BRINP1: variants seen among roughly 807,000 people sequenced by gnomAD.
BRINP1 encodes BMP/retinoic acid inducible neural specific 1, also known as BMP/retinoic acid-inducible neural-specific protein 1.
Under a neutral mutation model 72.9 loss-of-function variants are expected in BRINP1, and 17 were observed. That is an observed-to-expected ratio of 0.23 (90% CI 0.16 to 0.35). BRINP1 has a LOEUF of 0.35. Ranked by LOEUF, BRINP1 falls within the 10% of genes least tolerant of loss-of-function variation. BRINP1 has a pLI of 1.00. For missense variants in BRINP1, 850 were observed against 1,001.6 expected, an observed-to-expected ratio of 0.85 and a Z score of 2.04; for synonymous variants, 418 against 378.5, an observed-to-expected ratio of 1.10 and a Z score of -1.21.
intron 7 of BRINP1, among the ~76,000 whole-genome samples, chr9:119,185,584 A>G (rs956851151): frequency 6.6e-6 from 1 of 152,210 alleles, no homozygotes; most frequent in Admixed American, 6.5e-5. Context: ...AAAGTGACTA[A>G]CGGAGAGCAC....
chr9:119,283,290 A>G, intron 2 of BRINP1: 2 of 622,048 alleles, frequency 3.2e-6, no homozygotes, highest in Non-Finnish European at 4.0e-6. Flanking sequence ...CAAAATCTCC[A>G]GCCCTGCCCC....
chr9:119,298,509 C>T (rs987502787), intron 2 of BRINP1, among the ~76,000 whole-genome samples: 8 of 151,864 alleles, frequency 5.3e-5, no homozygotes, highest in African/African-American at 1.9e-4. Flanking sequence ...CAATAACCAA[C>T]TTTCAGAGTA....
At chr9:119,209,510 T>C (rs1165944195) in intron 6 of BRINP1, among the ~76,000 whole-genome samples, 2 of 151,000 alleles carry the variant, frequency 1.3e-5, no homozygotes, top group Non-Finnish European at 2.9e-5. Flanking sequence ...AGAGGTCAAG[T>C]GAGCTGAGAC....
chr9:119,168,167 C>T lies in BRINP1; in HGVS notation c.1203G>A (p.Gly401=). The change falls in exon 8 of 8, where the codon GGG becomes GGA. Residue 401 remains glycine (G), a synonymous_variant. Coordinates refer to ENST00000265922, the MANE Select transcript of BRINP1 (RefSeq NM_014618.3). ...GGCTCTCCAGGAAGGTTCCCCAAAA[C>T]CCATTCTCATTACAGTAGAGGAGTG... ...VQSLLYCNEN[G]FWGTFLESQR... 1 of 1,577,188 alleles carries T rather than the reference C, an allele frequency of 6.3e-7. No homozygotes were observed. The highest frequency in any genetic ancestry group is 1.3e-5 in the African/African-American group (1 of 74,156).
chr9:119,255,657 G>T (rs151266104), intron 2 of BRINP1, among the ~76,000 whole-genome samples: 1 of 152,026 alleles, frequency 6.6e-6, no homozygotes, highest in South Asian at 2.1e-4. Flanking sequence ...ACATGATTAC[G>T]AGACAGAAAG....
intron 2 of BRINP1, among the ~76,000 whole-genome samples, chr9:119,269,369 G>C (rs1310929107): frequency 6.6e-6 from 1 of 152,130 alleles, no homozygotes; most frequent in Non-Finnish European, 1.5e-5. Context: ...CCCTTCCTCA[G>C]GGACGTGAAG....
chr9:119,273,892 TTC>T (rs1830630007), intron 2 of BRINP1, among the ~76,000 whole-genome samples: 4 of 152,350 alleles, frequency 2.6e-5, no homozygotes, highest in African/African-American at 9.6e-5. Context: ...AACGACTTCA[TTC>T]TGTTTATTCT....
At chr9:119,308,532 T>A (rs1448793861) in intron 2 of BRINP1, among the ~76,000 whole-genome samples, 1 of 152,192 alleles carries the variant, frequency 6.6e-6, no homozygotes, top group Non-Finnish European at 1.5e-5. Flanking sequence ...ATCTCATTCA[T>A]CTTAGTAGAA....
chr9:119,195,985 C>G (rs1210314735), intron 7 of BRINP1, among the ~76,000 whole-genome samples: 1 of 152,124 alleles, frequency 6.6e-6, no homozygotes, highest in Non-Finnish European at 1.5e-5. Flanking sequence ...GAAAACTTGA[C>G]CTCTTCTTTA....
At chr9:119,230,755 T>A (rs759405275) in intron 5 of BRINP1, among the ~76,000 whole-genome samples, 4 of 151,766 alleles carry the variant, frequency 2.6e-5, no homozygotes, top group South Asian at 2.1e-4. Flanking sequence ...ATAAATGATT[T>A]AAGACCAAGA....
chr9:119,219,981 T>C (rs2118884039), intron 5 of BRINP1, among the ~76,000 whole-genome samples: 1 of 152,242 alleles, frequency 6.6e-6, no homozygotes, highest in East Asian at 1.9e-4. Flanking sequence ...AACTTGGCCC[T>C]CACATTTCTT....
chr9:119,251,346 G>A (rs1281139850), intron 2 of BRINP1, among the ~76,000 whole-genome samples: 1 of 152,188 alleles, frequency 6.6e-6, no homozygotes, highest in African/African-American at 2.4e-5. Flanking sequence ...CACAGGAGGA[G>A]GAACCTGAAC....
At chr9:119,332,393 T>A (rs1831308319) in intron 1 of BRINP1, among the ~76,000 whole-genome samples, 1 of 152,204 alleles carries the variant, frequency 6.6e-6, no homozygotes, top group Admixed American at 6.5e-5. Flanking sequence ...ATAGTTGTGG[T>A]GGATTACTTT....
chr9:119,275,327 C>T (rs1830645872), intron 2 of BRINP1, among the ~76,000 whole-genome samples: 1 of 152,166 alleles, frequency 6.6e-6, no homozygotes, highest in South Asian at 2.1e-4. Flanking sequence ...CTACCTTGTA[C>T]ACATATATTC....
At chr9:119,326,654 G>T (rs1831243320) in intron 1 of BRINP1, among the ~76,000 whole-genome samples, 1 of 152,138 alleles carries the variant, frequency 6.6e-6, no homozygotes, top group Admixed American at 6.6e-5. Context: ...TCTTTCAAAA[G>T]GGGAAGTGAA....
chr9:119,235,195 T>G (rs1230137151), intron 5 of BRINP1, among the ~76,000 whole-genome samples: 1 of 152,154 alleles, frequency 6.6e-6, no homozygotes, highest in Non-Finnish European at 1.5e-5. Flanking sequence ...TTCTAAAATA[T>G]CAATCTCTTC....
chr9:119,279,221 T>C (rs1442911387), intron 2 of BRINP1, among the ~76,000 whole-genome samples: 3 of 152,230 alleles, frequency 2.0e-5, no homozygotes, highest in African/African-American at 7.2e-5. Flanking sequence ...AATTTAATAT[T>C]TGAAAACAAA....
chr9:119,338,819 A>G (rs937021792), intron 1 of BRINP1, among the ~76,000 whole-genome samples: 4 of 151,062 alleles, frequency 2.6e-5, no homozygotes, highest in Admixed American at 2.6e-4. Flanking sequence ...CAGGAGGCGG[A>G]GCTTGCAGTG....
intron 5 of BRINP1, among the ~76,000 whole-genome samples, chr9:119,218,261 G>A (rs2118881941): frequency 6.7e-6 from 1 of 148,462 alleles, no homozygotes; most frequent in Middle Eastern, 3.5e-3. Context: ...CTGGAGTGCA[G>A]TGGCACAATC....
Sources: allele counts gnomAD v4.1 joint callset (sites outside exome capture counted in the v4.1 genomes callset), GRCh38; gene constraint gnomAD v4.1.1; transcripts MANE v1.5; gene names NCBI Gene and HGNC (gene_info 2026-07-23, HGNC 2026-07-21).